The following NEK6 variants were observed in gnomAD, a reference collection of about 807,000 sequenced individuals.
NEK6 encodes the protein serine/threonine-protein kinase Nek6.
Under a neutral mutation model 43.5 loss-of-function variants are expected in NEK6, and 27 were observed. The observed-to-expected ratio is 0.62, with a 90% CI of 0.46 to 0.86. The LOEUF (loss-of-function observed/expected upper bound fraction) is 0.86. NEK6 is among the 40% of genes least tolerant of loss of function. NEK6 has a pLI of 0.00. For synonymous variants in NEK6, 167 were observed against 164.1 expected (o/e 1.02, Z -0.14); for missense variants, 318 against 414.4 (o/e 0.77, Z 2.02).
chr9:124,347,823 G>A lies in NEK6; in HGVS notation c.831+1G>A. On this transcript the variant is annotated splice_donor_variant, in intron 9 of 9. Transcript: ENST00000320246. LOFTEE classifies it high-confidence loss of function. ...CCCCGGGGAGCACTACTCCGAGAAG[G>A]TGAGTTTGCAGGAGCCGGAGGCCTC... The A allele has an allele frequency of 1.2e-6, 2 of 1,605,172 alleles. No homozygotes were observed. Among genetic ancestry groups the A allele is most frequent in the Non-Finnish European group, 1.7e-6 (2 of 1,173,054 alleles).
At chr9:124,287,636 C>A (rs979469450) in intron 1 of NEK6, among the ~76,000 whole-genome samples, 5 of 152,130 alleles carry the variant, frequency 3.3e-5, no homozygotes, top group African/African-American at 4.8e-5. Flanking sequence ...ACTAGCCTGG[C>A]CAACATGGTG....
In NEK6 at chr9:124,326,383, T is replaced by C. The variant is rs1349789260; in HGVS notation, c.459T>C (p.Phe153=). The C allele has an allele frequency of 6.2e-7, 1 of 1,611,378 alleles. No individual in the cohort carries two copies. The part of the protein sequence containing the change: ...LIPERTVWKY[F]VQLCSAVEHM... ...CGGAGAGGACAGTATGGAAGTACTT[T>C]GTGCAGCTGTGCAGCGCCGTGGAGC... is the stretch of plus-strand genomic sequence containing the variant. The change falls in exon 6 of 10, where the codon TTT becomes TTC. Residue 153 remains phenylalanine (F), a synonymous_variant. Coordinates refer to ENST00000320246, the MANE Select transcript of NEK6 (RefSeq NM_014397.6). The surrounding 1 kb of genome is among the most constrained non-coding windows in gnomAD (Gnocchi z 4.5).
chr9:124,325,270 T>A (rs1834278137), intron 5 of NEK6, among the ~76,000 whole-genome samples: 1 of 152,142 alleles, frequency 6.6e-6, no homozygotes, highest in Non-Finnish European at 1.5e-5. Context: ...GCCCTCAGTT[T>A]CGTTTCCCTG....
At chr9:124,346,847 CGGCCTTCAG>C (rs1482492377) in intron 8 of NEK6, among the ~76,000 whole-genome samples, 2 of 152,198 alleles carry the variant, frequency 1.3e-5, no homozygotes, top group Non-Finnish European at 2.9e-5. Flanking sequence ...TGGCTGTGGC[CGGCCTTCAG>C]GGCAGAACCG....
chr9:124,258,265 CCGGG>C (rs1379378144), intron 1 of NEK6, 180 bp downstream of exon 1: 1 of 984,036 alleles, frequency 1.0e-6, no homozygotes, highest in Non-Finnish European at 1.2e-6. Flanking sequence ...GTGTCGGCGG[CCGGG>C]CGGGCGGGGG....
chr9:124,259,457 C>T (rs565963724), intron 1 of NEK6: 25 of 152,186 alleles, frequency 1.6e-4, no homozygotes, highest in Non-Finnish European at 2.8e-4. Flanking sequence ...TTGAGCTTAC[C>T]GAATGAACTT....
intron 5 of NEK6, among the ~76,000 whole-genome samples, chr9:124,321,882 G>C (rs1834083211): frequency 6.6e-6 from 1 of 152,224 alleles, no homozygotes; most frequent in Admixed American, 6.5e-5. Context: ...CTGGGAGGGG[G>C]CCAGCCATGG....
intron 2 of NEK6, among the ~76,000 whole-genome samples, chr9:124,305,051 T>C (rs1247915906): frequency 6.6e-6 from 1 of 152,224 alleles, no homozygotes; most frequent in Non-Finnish European, 1.5e-5. Context: ...CCCCGGCTAA[T>C]GTGTCTTCCA....
At chr9:124,330,377 C>A (rs1036878593) in intron 7 of NEK6, among the ~76,000 whole-genome samples, 1 of 152,242 alleles carries the variant, frequency 6.6e-6, no homozygotes, top group Admixed American at 6.5e-5. Flanking sequence ...GCAAGTGTCT[C>A]GCTCCGAGCA....
chr9:124,328,851 C>G (rs1027833543), intron 7 of NEK6, among the ~76,000 whole-genome samples: 23 of 152,198 alleles, frequency 1.5e-4, no homozygotes, highest in African/African-American at 4.8e-5. Flanking sequence ...CCCCACCTGG[C>G]CAGGCCTCAG....
chr9:124,284,882 C>G (rs1832084222), intron 1 of NEK6, among the ~76,000 whole-genome samples: 1 of 152,320 alleles, frequency 6.6e-6, no homozygotes, highest in South Asian at 2.1e-4. Flanking sequence ...TTCAAATTTA[C>G]ACCACTCTGA....
chr9:124,312,361 G>C, intron 2 of NEK6, 148 bp from the exon 3 acceptor site: 1 of 941,514 alleles, frequency 1.1e-6, no homozygotes, highest in Non-Finnish European at 1.5e-6. Flanking sequence ...CCCTGGGGGG[G>C]TGCCTGGGAG....
intron 1 of NEK6, among the ~76,000 whole-genome samples, chr9:124,287,164 A>AG (rs1218592261): frequency 6.6e-6 from 1 of 152,074 alleles, no homozygotes; most frequent in Non-Finnish European, 1.5e-5. Context: ...GGGGATCCCT[A>AG]GGGGAAAGAC....
intron 8 of NEK6, among the ~76,000 whole-genome samples, chr9:124,341,052 G>T (rs1829587589): frequency 6.6e-6 from 1 of 152,058 alleles, no homozygotes; most frequent in Non-Finnish European, 1.5e-5. Context: ...TCTTTCTTTT[G>T]TTTTTTTGAG....
At chr9:124,313,522 C>T (rs890871238) in intron 3 of NEK6, among the ~76,000 whole-genome samples, 1 of 152,138 alleles carries the variant, frequency 6.6e-6, no homozygotes, top group Admixed American at 6.5e-5. Flanking sequence ...CGTGCACCAC[C>T]ACACCCAGCT....
At chr9:124,263,109 CT>C (rs1243841709) in intron 1 of NEK6, 1 of 152,258 alleles carries the variant, frequency 6.6e-6, no homozygotes. Context: ...GAAACTTGGG[CT>C]TGTTGGGAAG....
chr9:124,329,599 C>T lies in NEK6; in HGVS notation c.622+2154C>T, dbSNP rs115787579. 3.0e-3 allele frequency among the ~76,000 whole-genome samples: 460 copies of T among 152,350 alleles called. 4 individuals carry two copies. Among genetic ancestry groups the T allele is most frequent in the African/African-American group, 0.01 (433 of 41,588 alleles). The stretch of plus-strand genomic sequence containing the variant: ...GCCCTCCTGGGGCCTGTCCCCACTC[C>T]GGGCTCTGTGCCCGGCATCCAGGAG... On this transcript the variant is annotated intron_variant, in intron 7 of 9. Transcript: ENST00000320246.
chr9:124,311,465 C>T (rs966105713), intron 2 of NEK6, among the ~76,000 whole-genome samples: 1 of 152,148 alleles, frequency 6.6e-6, no homozygotes, highest in Non-Finnish European at 1.5e-5. Context: ...CCTTCCCTGG[C>T]CCACTGTTGG....
chr9:124,332,911 G>T (rs1005880433), intron 7 of NEK6, among the ~76,000 whole-genome samples: 1 of 152,152 alleles, frequency 6.6e-6, no homozygotes, highest in African/African-American at 2.4e-5. Context: ...CCCCCACCAA[G>T]AGGAGGGGGC....
Sources: allele counts gnomAD v4.1 joint callset (sites outside exome capture counted in the v4.1 genomes callset), GRCh38; gene constraint gnomAD v4.1.1; non-coding constraint Gnocchi (gnomAD v3.1); transcripts MANE v1.5; gene names NCBI Gene and HGNC (gene_info 2026-07-23, HGNC 2026-07-21).